Variants in GSS observed in about 807,000 individuals in gnomAD.
The protein encoded by GSS is glutathione synthetase.
In GSS, 34 loss-of-function variants were observed where a neutral mutation model predicts 60.4. That is an observed-to-expected ratio of 0.56 (90% confidence interval 0.43 to 0.75). GSS has a LOEUF of 0.75. Among genes scored for constraint, GSS ranks in the 30% least tolerant of loss-of-function variants. The probability of loss-of-function intolerance (pLI) is 0.00; values close to 1 mark genes in which losing one functional copy is unlikely to be tolerated. For synonymous variants in GSS, 224 were observed against 239.0 expected (o/e 0.94, Z 0.58); for missense variants, 499 against 595.1 (o/e 0.84, Z 1.68).
chr20:34,945,366 T>C (rs1437574004), intron 3 of GSS, among the ~76,000 whole-genome samples: 1 of 139,968 alleles, frequency 7.1e-6, no homozygotes, highest in Non-Finnish European at 1.5e-5. Flanking sequence ...TTTTAAGAAA[T>C]TGCCCCAGAA....
chr20:34,953,848 C>A (rs758797561), intron 1 of GSS, among the ~76,000 whole-genome samples: 29 of 152,120 alleles, frequency 1.9e-4, no homozygotes, highest in Non-Finnish European at 3.5e-4. Flanking sequence ...ATCTCGTGAT[C>A]CCCCACTCTC....
intron 9 of GSS, among the ~76,000 whole-genome samples, chr20:34,934,743 C>T (rs182567765): frequency 6.6e-6 from 1 of 152,124 alleles, no homozygotes; most frequent in African/African-American, 2.4e-5. Flanking sequence ...AATTACAGAC[C>T]TAGAAGGAGC....
intron 11 of GSS, 94 bp downstream of exon 11, chr20:34,931,242 C>G (rs1048033557): frequency 7.0e-6 from 7 of 992,920 alleles, no homozygotes; most frequent in East Asian, 2.4e-5. Context: ...TTCCCCCATG[C>G]CCGGGACTGT....
chr20:34,938,253 G>T (rs957617980), intron 6 of GSS, among the ~76,000 whole-genome samples: 3 of 152,200 alleles, frequency 2.0e-5, no homozygotes, highest in African/African-American at 7.2e-5. Context: ...GATTCTAAGT[G>T]TGTATTCCCT....
At chr20:34,943,742 G>C (rs2081502363) in intron 3 of GSS, among the ~76,000 whole-genome samples, 1 of 152,094 alleles carries the variant, frequency 6.6e-6, no homozygotes, top group South Asian at 2.1e-4. Flanking sequence ...CATTTTCTTT[G>C]TGTGATGATT....
chr20:34,952,213 G>A (rs2147137313), intron 1 of GSS: 3 of 353,022 alleles, frequency 8.5e-6, no homozygotes, highest in Middle Eastern at 2.0e-3. Context: ...CAGCCTAAAG[G>A]CTCTTCATTG....
intron 3 of GSS, among the ~76,000 whole-genome samples, chr20:34,944,926 T>C (rs1423252439): frequency 6.6e-6 from 1 of 152,170 alleles, no homozygotes; most frequent in Non-Finnish European, 1.5e-5. Context: ...ATGCTCAACC[T>C]GTACAGTATA....
intron 9 of GSS, among the ~76,000 whole-genome samples, chr20:34,934,312 T>C (rs1483662216): frequency 1.3e-5 from 2 of 151,046 alleles, no homozygotes; most frequent in Non-Finnish European, 2.9e-5. Flanking sequence ...AGTCTCGCTC[T>C]GTCAGCCAGG....
chr20:34,942,786 G>T (rs2081494424), intron 4 of GSS, 145 bp downstream of exon 4: 3 of 953,614 alleles, frequency 3.1e-6, no homozygotes, highest in Admixed American at 2.0e-5. Flanking sequence ...TCCTAGAATT[G>T]GTCACTGGGA....
At chr20:34,935,040 T>C (rs1725945814) in intron 9 of GSS, among the ~76,000 whole-genome samples, 1 of 152,182 alleles carries the variant, frequency 6.6e-6, no homozygotes, top group Non-Finnish European at 1.5e-5. Context: ...AGCCTCTCCA[T>C]CTCTCTAAAC....
chr20:34,954,015 T>TCG (rs1411490535), intron 1 of GSS, among the ~76,000 whole-genome samples: 1 of 152,186 alleles, frequency 6.6e-6, no homozygotes, highest in African/African-American at 2.4e-5. Flanking sequence ...TTGGCTGTAC[T>TCG]CTCTTTATAG....
In GSS at chr20:34,942,576, C is replaced by G; in HGVS notation, c.403G>C (p.Asp135His). 6.2e-7 allele frequency: 1 copy of G among 1,614,074 alleles called. No homozygotes were observed. Among genetic ancestry groups the G allele is most frequent in the Admixed American group, 1.7e-5 (1 of 60,012 alleles). ...ATCTGTTTCAGGGCTGGGGAGCCAT[C>G]TGCGCTGCGCTGGAACATGTAGTCT... ...RSDYMFQRSADGSPALKQIEI... is the reference protein window; with the variant it reads ...RSDYMFQRSAHGSPALKQIEI... The change falls in exon 5 of 13, where the codon GAT becomes CAT. Residue 135 changes from aspartate to histidine, a missense_variant. Transcript: ENST00000651619.
At chr20:34,945,174 C>T (rs1010556983) in intron 3 of GSS, among the ~76,000 whole-genome samples, 1 of 151,726 alleles carries the variant, frequency 6.6e-6, no homozygotes, top group African/African-American at 2.4e-5. Flanking sequence ...GCACCCGCCA[C>T]CACACCCAGC....
intron 3 of GSS, among the ~76,000 whole-genome samples, chr20:34,944,170 C>A (rs2081504436): frequency 6.6e-6 from 1 of 152,186 alleles, no homozygotes; most frequent in African/African-American, 2.4e-5. Context: ...TTGAGACACA[C>A]TTTCCTTTTT....
Position 34,941,667 on chromosome 20 carries a change from G to T in GSS, c.608+46C>A, listed in dbSNP as rs866179067. Reference sequence around the variant, plus strand: ...AAAAGAAGTTGCTAAACCCATGAATGCTGAAACTAAAGCAGGATCCTCCTG... The same window carrying T: ...AAAAGAAGTTGCTAAACCCATGAATTCTGAAACTAAAGCAGGATCCTCCTG... On this transcript the variant is annotated intron_variant, in intron 6 of 12. Transcript: ENST00000651619. 2.9e-6 allele frequency: 3 copies of T among 1,036,808 alleles called. No individual in the cohort carries two copies. The Middle Eastern group carries it at 6.6e-4, about 229-fold the overall frequency. The allele number at this position is 1,036,808 out of a possible 1,614,324, so 64.2% of individuals were successfully genotyped here. A position where few individuals can be genotyped will look rare whatever the true frequency, so the allele number is the denominator to read the frequency against.
In GSS at chr20:34,936,988, C is replaced by A; in HGVS notation, c.644G>T (p.Arg215Ile). ...LVLLIAQEKE[R>I]NIFDQRAIEN... ...TATGGCACGCTGGTCAAATATGTTT[C>A]TTTCCTTCTCTTGAGCAATCAGTAG... Residue 215 changes from arginine (R) to isoleucine (I), a missense_variant, in exon 7 of 13, where the codon AGA becomes ATA. By Grantham distance (97) the Arg-to-Ile change is moderately conservative. Coordinates refer to ENST00000651619, the MANE Select transcript of GSS (RefSeq NM_000178.4). 2 of 1,613,954 alleles carry A rather than the reference C, an allele frequency of 1.2e-6. No individual in the cohort carries two copies. Among genetic ancestry groups the A allele is most frequent in the South Asian group, 1.1e-5 (1 of 91,074 alleles).
Position 34,953,372 on chromosome 20 carries a change from G to A in GSS, c.-8-1512C>T, listed in dbSNP as rs183078804. 1.4e-3 allele frequency among the ~76,000 whole-genome samples: 208 copies of A among 152,282 alleles called. 1 individual carries two copies. The highest frequency in any genetic ancestry group is 2.4e-3 in the Non-Finnish European group (165 of 68,028). On this transcript the variant is annotated intron_variant, in intron 1 of 12. Transcript: ENST00000651619. ...TCAGCACAATGCTTTGAAAGAATGC[G>A]CATGTGATCTCAAGAGGGTCCTGAT...
At chr20:34,941,857 A>T (rs2081485563) in intron 5 of GSS, 28 bp from the exon 6 acceptor site, 1 of 1,267,454 alleles carries the variant, frequency 7.9e-7, no homozygotes, top group Admixed American at 1.7e-5. Flanking sequence ...GCTGTTCAGT[A>T]ATTGGATGGA....
chr20:34,954,723 C>T (rs2081606216), intron 1 of GSS: 1 of 153,668 alleles, frequency 6.5e-6, no homozygotes, highest in Admixed American at 6.6e-5. Flanking sequence ...TACCTTCAAA[C>T]TAGAATATCC....
Sources: allele counts gnomAD v4.1 joint callset (sites outside exome capture counted in the v4.1 genomes callset), GRCh38; gene constraint gnomAD v4.1.1; transcripts MANE v1.5; gene names NCBI Gene and HGNC (gene_info 2026-07-23, HGNC 2026-07-21).